SPIDR: variants seen among roughly 807,000 people sequenced by gnomAD.
SPIDR encodes DNA repair-scaffolding protein.
In SPIDR, 93 loss-of-function variants were observed where a neutral mutation model predicts 104.6. The ratio of observed to expected loss-of-function variants is 0.89; its 90% confidence interval spans 0.75 to 1.06. The LOEUF is 1.06. SPIDR is among the 50% of genes least tolerant of loss of function. The probability of loss-of-function intolerance (pLI) is 0.00; values close to 1 mark genes in which losing one functional copy is unlikely to be tolerated. For missense variants in SPIDR, 1,154 were observed against 1,111.2 expected (o/e 1.04, Z -0.55); for synonymous variants, 431 against 416.9 (o/e 1.03, Z -0.41).
chr8:47,379,323 G>A (rs1374962881), intron 5 of SPIDR, among the ~76,000 whole-genome samples: 1 of 152,148 alleles, frequency 6.6e-6, no homozygotes, highest in African/African-American at 2.4e-5. Flanking sequence ...TGGGCGGATG[G>A]CTTGAGTCCA....
chr8:47,607,711 G>C (rs887320499), intron 10 of SPIDR, among the ~76,000 whole-genome samples: 5 of 151,964 alleles, frequency 3.3e-5, no homozygotes, highest in Non-Finnish European at 7.4e-5. Flanking sequence ...TCTAGTAGTA[G>C]AAGTAGTCTT....
At chr8:47,683,669 A>G (rs1434626459) in intron 11 of SPIDR, among the ~76,000 whole-genome samples, 1 of 152,200 alleles carries the variant, frequency 6.6e-6, no homozygotes, top group Non-Finnish European at 1.5e-5. Context: ...AAAATACTCC[A>G]AAGAGCATTT....
intron 8 of SPIDR, chr8:47,592,125 A>G: frequency 7.2e-7 from 1 of 1,387,082 alleles, no homozygotes; most frequent in Non-Finnish European, 1.0e-6. Context: ...AGTGATGCAC[A>G]CTTGATGATC....
At chr8:47,561,181 G>A (rs1041360654) in intron 8 of SPIDR, among the ~76,000 whole-genome samples, 6 of 152,154 alleles carry the variant, frequency 3.9e-5, no homozygotes, top group African/African-American at 1.4e-4. Context: ...CCTCCATGGC[G>A]CATATGTTCA....
At chr8:47,482,063 A>G (rs1036740441) in intron 8 of SPIDR, among the ~76,000 whole-genome samples, 2 of 152,330 alleles carry the variant, frequency 1.3e-5, no homozygotes, top group Middle Eastern at 3.4e-3. Context: ...TACAGGTTAT[A>G]TACAGCACAT....
At chr8:47,637,432 T>C (rs1409846243) in intron 10 of SPIDR, among the ~76,000 whole-genome samples, 1 of 152,110 alleles carries the variant, frequency 6.6e-6, no homozygotes, top group African/African-American at 2.4e-5. Context: ...TAGCTGGGCA[T>C]GGTGGCACGC....
At chr8:47,454,806 C>T (rs1554708781) in intron 8 of SPIDR, among the ~76,000 whole-genome samples, 1 of 151,922 alleles carries the variant, frequency 6.6e-6, no homozygotes, top group East Asian at 1.9e-4. Flanking sequence ...CTTGAGGCTA[C>T]AGTGTGCTAT....
chr8:47,735,485 G>C lies in SPIDR; in HGVS notation c.*35G>C, dbSNP rs1236947176. On this transcript the variant is annotated 3_prime_UTR_variant, in exon 20 of 20. Transcript: ENST00000297423. Reference sequence around the variant, plus strand: ...CAGGATCTGTGAACTTTGCAATGTGGCTGCAAGGGTGGTGGTGGTGGTGGT... The same window carrying C: ...CAGGATCTGTGAACTTTGCAATGTGCCTGCAAGGGTGGTGGTGGTGGTGGT... 6.2e-7 allele frequency: 1 copy of C among 1,613,990 alleles called. No individual in the cohort carries two copies. The highest frequency in any genetic ancestry group is 1.3e-5 in the African/African-American group (1 of 74,918).
chr8:47,655,002 T>G (rs572623361), intron 10 of SPIDR, among the ~76,000 whole-genome samples: 1 of 152,240 alleles, frequency 6.6e-6, no homozygotes, highest in Admixed American at 6.5e-5. Flanking sequence ...CTGTGATAGT[T>G]TGCTGAGAAT....
chr8:47,353,959 T>A (rs561077024), intron 5 of SPIDR, among the ~76,000 whole-genome samples: 1 of 152,208 alleles, frequency 6.6e-6, no homozygotes, highest in South Asian at 2.1e-4. Context: ...TTTTCAGGGT[T>A]ATGGGGTTTT....
rs1240123432 is a variant in SPIDR at position 47,419,959 on chromosome 8, T to TTTGA, written c.877+11999_877+12002dup. ...TGAGTTTCTTAATCCTGAGTTCTAG[T>TTTGA]TTGAACTGTGGTCTGAGAGACAGTT... On this transcript the variant is annotated intron_variant, in intron 7 of 19. Coordinates refer to ENST00000297423, the MANE Select transcript of SPIDR (RefSeq NM_001080394.4). Among the ~76,000 whole-genome samples the TTTGA allele has an allele frequency of 3.1e-3, 471 of 151,472 alleles. 1 individual carries two copies. Among genetic ancestry groups the TTTGA allele is most frequent in the African/African-American group, 0.011 (460 of 41,470 alleles).
At chr8:47,571,689 C>T (rs2058544927) in intron 8 of SPIDR, among the ~76,000 whole-genome samples, 1 of 152,140 alleles carries the variant, frequency 6.6e-6, no homozygotes. Context: ...ATACATAGTA[C>T]TCAACCTTGT....
At chr8:47,283,981 T>C in intron 2 of SPIDR, 47 bp from the exon 3 acceptor site, 1 of 1,431,902 alleles carries the variant, frequency 7.0e-7, no homozygotes, top group Non-Finnish European at 9.6e-7. Context: ...AAAAGTTTTT[T>C]TTTAGCATTT....
At chr8:47,350,873 A>C (rs1169015700) in intron 5 of SPIDR, among the ~76,000 whole-genome samples, 4 of 152,134 alleles carry the variant, frequency 2.6e-5, no homozygotes, top group Non-Finnish European at 4.4e-5. Flanking sequence ...CATAATCTGA[A>C]AGTATTAAAT....
At chr8:47,654,553 G>A (rs1015643964) in intron 10 of SPIDR, among the ~76,000 whole-genome samples, 3 of 152,170 alleles carry the variant, frequency 2.0e-5, no homozygotes, top group African/African-American at 7.2e-5. Context: ...AATAAATGCA[G>A]CAGTGATTTT....
At chr8:47,295,757 T>C (rs2040731155) in intron 5 of SPIDR, among the ~76,000 whole-genome samples, 2 of 152,340 alleles carry the variant, frequency 1.3e-5, no homozygotes, top group South Asian at 4.1e-4. Context: ...GCAGTTAACA[T>C]GGGAGTGCAG....
chr8:47,607,900 T>C (rs1249907077), intron 10 of SPIDR, among the ~76,000 whole-genome samples: 3 of 148,524 alleles, frequency 2.0e-5, no homozygotes, highest in Admixed American at 2.0e-4. Context: ...ACTTGACTCA[T>C]GGGGACCTGA....
intron 10 of SPIDR, among the ~76,000 whole-genome samples, chr8:47,604,340 TC>T (rs1336524201): frequency 2.6e-5 from 4 of 152,108 alleles, no homozygotes; most frequent in East Asian, 1.9e-4. Context: ...CAGCAAGAGA[TC>T]CCAGGCACGC....
At chr8:47,673,767 C>T (rs2076081263) in intron 10 of SPIDR, 34 bp from the exon 11 acceptor site, 1 of 1,613,676 alleles carries the variant, frequency 6.2e-7, no homozygotes, top group Admixed American at 1.7e-5. Context: ...TCCAAACTGC[C>T]TCCTCAAAGA....
Sources: allele counts gnomAD v4.1 joint callset (sites outside exome capture counted in the v4.1 genomes callset), GRCh38; gene constraint gnomAD v4.1.1; transcripts MANE v1.5; gene names NCBI Gene and HGNC (gene_info 2026-07-23, HGNC 2026-07-21).